BEGAIN: variants seen among roughly 807,000 people sequenced by gnomAD.
BEGAIN encodes brain-enriched guanylate kinase-associated protein.
Under a neutral mutation model 35.8 loss-of-function variants are expected in BEGAIN, and 19 were observed. That is an observed-to-expected ratio of 0.53 (90% CI 0.37 to 0.78). BEGAIN has a LOEUF of 0.78. BEGAIN is among the 30% of genes least tolerant of loss of function. BEGAIN has a pLI of 0.00. For synonymous variants in BEGAIN, 462 were observed against 388.6 expected (o/e 1.19, Z -2.22); for missense variants, 795 against 853.6 (o/e 0.93, Z 0.85).
Position 100,538,195 on chromosome 14 carries a change from C to A in BEGAIN, c.1613G>T (p.Gly538Val). ...PLPGYAPSEG[G>V]DGDRLGVQLC... Reference sequence around the variant, plus strand: ...CTGCACCCCGAGCCTGTCCCCGTCCCCCCCCTCGCTGGGTGCATAGCCGGG... The same window carrying A: ...CTGCACCCCGAGCCTGTCCCCGTCCACCCCCTCGCTGGGTGCATAGCCGGG... The change falls in exon 7 of 7, where the codon GGG becomes GTG. Residue 538 changes from glycine to valine, a missense_variant. Coordinates refer to ENST00000554140, the MANE Select transcript of BEGAIN (RefSeq NM_001385089.1). 1 of 1,550,894 alleles carries A rather than the reference C, an allele frequency of 6.4e-7. No homozygotes were observed. Among genetic ancestry groups the A allele is most frequent in the East Asian group, 2.4e-5 (1 of 42,534 alleles).
chr14:100,550,365 T>A (rs1205958348), intron 2 of BEGAIN: 6 of 398,742 alleles, frequency 1.5e-5, no homozygotes, highest in Non-Finnish European at 2.7e-5. Context: ...GGGACAGATG[T>A]CTGGGGACAG....
intron 1 of BEGAIN, among the ~76,000 whole-genome samples, chr14:100,578,856 CTTT>C (rs529546763): frequency 1.6e-5 from 2 of 127,014 alleles, no homozygotes; most frequent in African/African-American, 3.0e-5. Flanking sequence ...GCCTCTGGTA[CTTT>C]TTTTTTTTTT....
chr14:100,551,581 A>T (rs182154476), intron 2 of BEGAIN, among the ~76,000 whole-genome samples: 4 of 152,362 alleles, frequency 2.6e-5, no homozygotes, highest in Admixed American at 2.6e-4. Flanking sequence ...ATGTAGTTAT[A>T]CCTGGGTGGT....
intron 2 of BEGAIN, among the ~76,000 whole-genome samples, chr14:100,561,098 G>A (rs1484318637): frequency 6.6e-6 from 1 of 152,182 alleles, no homozygotes; most frequent in Non-Finnish European, 1.5e-5. Flanking sequence ...ACAGGCACGT[G>A]GCATCGCCTC....
intron 2 of BEGAIN, among the ~76,000 whole-genome samples, chr14:100,555,078 G>C (rs2033578932): frequency 2.0e-5 from 3 of 152,262 alleles, no homozygotes; most frequent in South Asian, 4.1e-4. Context: ...ACCTCGCCTG[G>C]TCTTTCCCAG....
rs1566964481 is a variant in BEGAIN at position 100,546,476 on chromosome 14, C to CCCGGCCCTCGCCCCGG, written c.233+24_233+25insCCGGGGCGAGGGCCGG. ...TCGCCCCGCCCCGGCCCTCGCCCCG[C>CCCGGCCCTCGCCCCGG]CCCGGCCCTCGCCCCGCCCCTCACC... On this transcript the variant is annotated intron_variant, in intron 3 of 6. Transcript: ENST00000554140. 23 of 353,126 alleles carry CCCGGCCCTCGCCCCGG rather than the reference C, an allele frequency of 6.5e-5. 1 individual carries two copies. The highest frequency in any genetic ancestry group is 2.4e-4 in the Admixed American group (2 of 8,170). 21.9% of individuals were successfully genotyped at this position (353,126 alleles called of 1,614,324 possible).
intron 2 of BEGAIN, among the ~76,000 whole-genome samples, chr14:100,555,323 G>A (rs1282514191): frequency 1.3e-5 from 2 of 152,228 alleles, no homozygotes; most frequent in Non-Finnish European, 2.9e-5. Flanking sequence ...CTCCTGTGCC[G>A]GTGGCCTGTG....
At chr14:100,539,430 C>T (rs866241776) in intron 6 of BEGAIN, 115 bp from the exon 7 acceptor site, 26 of 1,447,708 alleles carry the variant, frequency 1.8e-5, no homozygotes, top group Middle Eastern at 4.6e-4. Context: ...GGCAGACAGA[C>T]GAACGGGGGC....
At chr14:100,580,796 G>A (rs1234242867) in intron 1 of BEGAIN, among the ~76,000 whole-genome samples, 1 of 152,152 alleles carries the variant, frequency 6.6e-6, no homozygotes, top group African/African-American at 2.4e-5. Context: ...TGCTCAATGC[G>A]TAGTTCTTGA....
chr14:100,564,041 C>T (rs1047629625), intron 2 of BEGAIN, among the ~76,000 whole-genome samples: 2 of 151,192 alleles, frequency 1.3e-5, no homozygotes, highest in African/African-American at 4.9e-5. Flanking sequence ...AGCACAAGGT[C>T]GGTGTCCCGG....
chr14:100,555,765 T>G (rs1418131612), intron 2 of BEGAIN, among the ~76,000 whole-genome samples: 1 of 151,788 alleles, frequency 6.6e-6, no homozygotes, highest in African/African-American at 2.4e-5. Context: ...GGCTAGAGGG[T>G]CGACCACGGT....
At chr14:100,570,855 G>A (rs1406130229) in intron 1 of BEGAIN, among the ~76,000 whole-genome samples, 1 of 152,212 alleles carries the variant, frequency 6.6e-6, no homozygotes, top group African/African-American at 2.4e-5. Flanking sequence ...AGGAAACGGA[G>A]GCCAGCGCAT....
At chr14:100,561,761 G>T (rs1370493186) in intron 2 of BEGAIN, among the ~76,000 whole-genome samples, 1 of 152,048 alleles carries the variant, frequency 6.6e-6, no homozygotes, top group Non-Finnish European at 1.5e-5. Flanking sequence ...AGTAAGTGAT[G>T]ACAGACTTGG....
At chr14:100,578,856 C>CTTTTTTT (rs529546763) in intron 1 of BEGAIN, among the ~76,000 whole-genome samples, 1 of 127,020 alleles carries the variant, frequency 7.9e-6, no homozygotes, top group African/African-American at 3.0e-5. Flanking sequence ...GCCTCTGGTA[C>CTTTTTTT]TTTTTTTTTT....
At chr14:100,579,471 G>A (rs144515645) in intron 1 of BEGAIN, among the ~76,000 whole-genome samples, 1 of 152,182 alleles carries the variant, frequency 6.6e-6, no homozygotes, top group Non-Finnish European at 1.5e-5. Context: ...CCTAGGATGC[G>A]GCTTTAGGCT....
intron 1 of BEGAIN, among the ~76,000 whole-genome samples, chr14:100,581,014 G>A (rs886565964): frequency 6.6e-6 from 1 of 152,256 alleles, no homozygotes; most frequent in East Asian, 1.9e-4. Flanking sequence ...AGCAGCAGCC[G>A]TTCAGCCCCT....
chr14:100,540,658 C>G (rs1164799384), intron 5 of BEGAIN, 79 bp from the exon 6 acceptor site: 22 of 1,112,164 alleles, frequency 2.0e-5, no homozygotes, highest in Non-Finnish European at 2.6e-5. Context: ...AAGTGGCCAG[C>G]GGGGGCAGTG....
At position 100,561,378 on chromosome 14, in the gene BEGAIN, T is replaced by C. The variant is rs2034240588; in HGVS notation, c.71+6533A>G. The stretch of plus-strand genomic sequence containing the variant: ...GCATGACCCCAGCGTGCACTGAGTC[T>C]CCTGAGCCGCCTTCTCAAGTAGGTG... On this transcript the variant is annotated intron_variant, in intron 2 of 6. Transcript: ENST00000554140. 2.0e-5 allele frequency among the ~76,000 whole-genome samples: 3 copies of C among 152,258 alleles called. No individual in the cohort carries two copies. The South Asian group carries it at 6.2e-4, about 32-fold the overall frequency.
At position 100,568,038 on chromosome 14, in the gene BEGAIN, G is replaced by A; in HGVS notation, c.43-99C>T. ...ACAGCGGGCACGGCCGGGCAACCCC[G>A]CGGGGCCCCGTCCGTGGGAAGCCCG... On this transcript the variant is annotated intron_variant, in intron 1 of 6. Coordinates refer to ENST00000554140, the MANE Select transcript of BEGAIN (RefSeq NM_001385089.1). The surrounding 1 kb of genome is among the most constrained non-coding windows in gnomAD (Gnocchi z 7.5). The A allele has an allele frequency of 2.6e-6, 3 of 1,163,042 alleles. No homozygotes were observed. The South Asian group carries it at 1.0e-4, about 40-fold the overall frequency. The allele number at this position is 1,163,042 out of a possible 1,614,324, so 72.0% of individuals were successfully genotyped here.
Sources: allele counts gnomAD v4.1 joint callset (sites outside exome capture counted in the v4.1 genomes callset), GRCh38; gene constraint gnomAD v4.1.1; non-coding constraint Gnocchi (gnomAD v3.1); transcripts MANE v1.5; gene names NCBI Gene and HGNC (gene_info 2026-07-23, HGNC 2026-07-21).